The following PLG variants were observed in gnomAD, a reference collection of about 807,000 sequenced individuals.
PLG encodes the protein plasminogen.
Under a neutral mutation model 104.4 loss-of-function variants are expected in PLG, and 41 were observed. The ratio of observed to expected loss-of-function variants is 0.39; its 90% CI spans 0.31 to 0.51. The LOEUF is 0.51. PLG is among the 20% of genes least tolerant of loss of function. The probability of loss-of-function intolerance (pLI) is 0.76; values close to 1 mark genes in which losing one functional copy is unlikely to be tolerated. For missense variants in PLG, 891 were observed against 1,003.6 expected (o/e 0.89, Z 1.52); for synonymous variants, 337 against 357.1 (o/e 0.94, Z 0.63).
intron 17 of PLG, among the ~76,000 whole-genome samples, chr6:160,749,903 G>GCCACCACCATCACGA (rs149258451): frequency 6.8e-6 from 1 of 147,096 alleles, no homozygotes; most frequent in African/African-American, 2.5e-5. Context: ...TTCCACCACT[G>GCCACCACCATCACGA]CCACCACCAC....
At position 160,740,670 on chromosome 6, in the gene PLG, G is replaced by A. The variant is rs957035309; in HGVS notation, c.2019-641G>A. Among the ~76,000 whole-genome samples, 1 of 152,226 alleles carries A rather than the reference G, an allele frequency of 6.6e-6. No individual in the cohort carries two copies. The highest frequency in any genetic ancestry group is 1.5e-5 in the Non-Finnish European group (1 of 68,030). On this transcript the variant is annotated intron_variant, in intron 16 of 18. Coordinates refer to ENST00000308192, the MANE Select transcript of PLG (RefSeq NM_000301.5). This position sits in a 1 kb window ranked among gnomAD's most constrained non-coding sequence, Gnocchi z 5.2. ...TTATCCTCTTGAACTTACTAAAGTAGAATCAGGTCTAAAAACCGGAGTTCT... is the reference window on the plus strand; with the variant it reads ...TTATCCTCTTGAACTTACTAAAGTAAAATCAGGTCTAAAAACCGGAGTTCT...
intron 7 of PLG, among the ~76,000 whole-genome samples, chr6:160,717,980 G>A (rs1777767988): frequency 6.6e-6 from 1 of 152,172 alleles, no homozygotes; most frequent in South Asian, 2.1e-4. Flanking sequence ...GGCTGGGCAC[G>A]GTGGCTCACG....
rs1017768650 is a variant in PLG, at chr6:160,734,262, T to A, written c.1681+174T>A. 6.6e-6 allele frequency among the ~76,000 whole-genome samples: 1 copy of A among 152,126 alleles called. No individual in the cohort carries two copies. The highest frequency in any genetic ancestry group is 2.4e-5 in the African/African-American group (1 of 41,420). On this transcript the variant is annotated intron_variant, in intron 13 of 18. Coordinates refer to ENST00000308192, the MANE Select transcript of PLG (RefSeq NM_000301.5). The surrounding 1 kb of genome is among the most constrained non-coding windows in gnomAD (Gnocchi z 4.4). ...CTGCCCTACTATTGGCCACATTTGTTAGAGGAACACCTGCCCATCGCCCCA... is the reference window on the plus strand; with the variant it reads ...CTGCCCTACTATTGGCCACATTTGTAAGAGGAACACCTGCCCATCGCCCCA...
chr6:160,736,946 G>C lies in PLG; in HGVS notation c.1741G>C (p.Val581Leu). 2.5e-6 allele frequency: 4 copies of C among 1,614,036 alleles called. No individual in the cohort carries two copies. The highest frequency in any genetic ancestry group is 2.5e-6 in the Non-Finnish European group (3 of 1,179,968). Reference sequence around the variant, plus strand: ...GGAGCCGAAGAAATGTCCTGGAAGGGTTGTAGGGGGGTGTGTGGCCCACCC... The same window carrying C: ...GGAGCCGAAGAAATGTCCTGGAAGGCTTGTAGGGGGGTGTGTGGCCCACCC... Reference protein sequence around the residue: ...QVEPKKCPGRVVGGCVAHPHS... With the variant: ...QVEPKKCPGRLVGGCVAHPHS... Residue 581 changes from valine (V) to leucine (L), a missense_variant, in exon 14 of 19, where the codon GTT (valine) becomes CTT (leucine). Physicochemically the swap from Val to Leu is conservative, Grantham distance 32. Transcript: ENST00000308192. This position sits in a 1 kb window ranked among gnomAD's most constrained non-coding sequence, Gnocchi z 5.2.
rs563983055 is a variant in PLG, at chr6:160,735,877, C to G, written c.1682-1010C>G. ...CAGCACTAGAGAAGATGATTGCATT[C>G]TATGCCTTGCTTCTTTTTTTAAAAA... is the stretch of plus-strand genomic sequence containing the variant. On this transcript the variant is annotated intron_variant, in intron 13 of 18. Coordinates refer to ENST00000308192, the MANE Select transcript of PLG (RefSeq NM_000301.5). This position sits in a 1 kb window ranked among gnomAD's most constrained non-coding sequence, Gnocchi z 5.4. Among the ~76,000 whole-genome samples the G allele has an allele frequency of 6.6e-6, 1 of 152,140 alleles. No individual in the cohort carries two copies. Among genetic ancestry groups the G allele is most frequent in the Non-Finnish European group, 1.5e-5 (1 of 68,026 alleles).
In PLG at chr6:160,713,004, C is replaced by T. The variant is rs777371711; in HGVS notation, c.426C>T (p.His142=). The T allele has an allele frequency of 6.8e-6, 11 of 1,610,184 alleles. No individual in the cohort carries two copies. The highest frequency in any genetic ancestry group is 7.6e-6 in the Non-Finnish European group (9 of 1,178,330). ...PHRPRFSPAT[H]PSEGLEENYC... ...TCCCCAGATTCTCACCTGCTACACA[C>T]CCCTCAGAGGGACTGGAGGAGAACT... The change falls in exon 5 of 19, where the codon CAC becomes CAT. Residue 142 remains histidine (H), a synonymous_variant. Coordinates refer to ENST00000308192, the MANE Select transcript of PLG (RefSeq NM_000301.5).
Position 160,727,219 on chromosome 6 carries a change from T to C in PLG, c.1257-3832T>C, listed in dbSNP as rs563616646. ...CCTTAGAAAAAAACAAATAAGCAAA[T>C]TGGACACTGAATAAACTGAATTTCT... On this transcript the variant is annotated intron_variant, in intron 10 of 18. Coordinates refer to ENST00000308192, the MANE Select transcript of PLG (RefSeq NM_000301.5). 2.0e-4 allele frequency among the ~76,000 whole-genome samples: 31 copies of C among 151,762 alleles called. No homozygotes were observed. In the South Asian group the frequency reaches 4.8e-3, roughly 23 times the overall value.
intron 7 of PLG, among the ~76,000 whole-genome samples, chr6:160,717,769 C>A (rs1304341166): frequency 6.6e-6 from 1 of 152,188 alleles, no homozygotes; most frequent in African/African-American, 2.4e-5. Context: ...ACCCAAGGGT[C>A]TTTCTCTGAA....
At chr6:160,751,509 A>C (rs995311383) in intron 17 of PLG, among the ~76,000 whole-genome samples, 9 of 152,358 alleles carry the variant, frequency 5.9e-5, no homozygotes, top group Admixed American at 5.9e-4. Context: ...TAAAATATAC[A>C]AAACATAAGG....
Position 160,741,606 on chromosome 6 carries a change from C to T in PLG, c.2125+189C>T, listed in dbSNP as rs1340334633. ...AGGCACATGATCAAAGGGAGGAAAA[C>T]TGTGTCTTTGAGTCTCTCTCTCTCT... On this transcript the variant is annotated intron_variant, in intron 17 of 18. Transcript: ENST00000308192. The surrounding 1 kb of genome is among the most constrained non-coding windows in gnomAD (Gnocchi z 4.7). Among the ~76,000 whole-genome samples the T allele has an allele frequency of 1.3e-5, 2 of 152,142 alleles. No individual in the cohort carries two copies. Among genetic ancestry groups the T allele is most frequent in the Non-Finnish European group, 2.9e-5 (2 of 68,034 alleles).
intron 6 of PLG, 52 bp downstream of exon 6, chr6:160,714,966 T>C (rs1431701018): frequency 8.3e-6 from 13 of 1,566,154 alleles, no homozygotes; most frequent in Non-Finnish European, 1.1e-5. Context: ...TCTGCAGCTC[T>C]ATCAGACATT....
intron 4 of PLG, 146 bp downstream of exon 4, chr6:160,711,337 A>G: frequency 1.3e-6 from 1 of 758,356 alleles, no homozygotes; most frequent in Non-Finnish European, 2.2e-6. Context: ...TTTGCATATA[A>G]CCTACATACC....
rs564858446 is a variant in PLG, at chr6:160,736,511, A to G, written c.1682-376A>G. On this transcript the variant is annotated intron_variant, in intron 13 of 18. Transcript: ENST00000308192. This position sits in a 1 kb window ranked among gnomAD's most constrained non-coding sequence, Gnocchi z 5.2. ...CATGGTTTAGATGGTGATGGTGATG[A>G]TGATGATTATGGGAAGGATGGCATC... is the stretch of plus-strand genomic sequence containing the variant. Among the ~76,000 whole-genome samples the G allele has an allele frequency of 6.6e-6, 1 of 152,324 alleles. No homozygotes were observed. Among genetic ancestry groups the G allele is most frequent in the Admixed American group, 6.5e-5 (1 of 15,304 alleles).
intron 10 of PLG, among the ~76,000 whole-genome samples, chr6:160,730,358 C>A (rs532630867): frequency 4.6e-5 from 7 of 152,334 alleles, no homozygotes; most frequent in African/African-American, 1.7e-4. Context: ...GGATGTCCTG[C>A]CCAGGAACCC....
At chr6:160,749,458 C>CTAT (rs961723965) in intron 17 of PLG, among the ~76,000 whole-genome samples, 5 of 149,798 alleles carry the variant, frequency 3.3e-5, no homozygotes, top group African/African-American at 1.2e-4. Flanking sequence ...ACCACCATCA[C>CTAT]CATTAACATT....
In PLG at chr6:160,716,739, G is replaced by C. The variant is rs760649328; in HGVS notation, c.763G>C (p.Glu255Gln). ...CFTTDPNKRW[E>Q]LCDIPRCTTP... Reference sequence around the variant, plus strand: ...CACCACCGACCCCAACAAGCGCTGGGAACTTTGTGACATCCCCCGCTGCAG... The same window carrying C: ...CACCACCGACCCCAACAAGCGCTGGCAACTTTGTGACATCCCCCGCTGCAG... Residue 255 changes from glutamate to glutamine, a missense_variant, in exon 7 of 19, where the codon GAA becomes CAA. This residue lies in a region of PLG where 854 missense variants were observed against 932.1 expected (regional missense o/e 0.92). Coordinates refer to ENST00000308192, the MANE Select transcript of PLG (RefSeq NM_000301.5). 6.2e-7 allele frequency: 1 copy of C among 1,610,054 alleles called. No individual in the cohort carries two copies. Among genetic ancestry groups the C allele is most frequent in the Non-Finnish European group, 8.5e-7 (1 of 1,176,280 alleles).
intron 10 of PLG, among the ~76,000 whole-genome samples, chr6:160,727,617 G>T (rs1488687081): frequency 6.6e-6 from 1 of 151,844 alleles, no homozygotes; most frequent in Non-Finnish European, 1.5e-5. Context: ...ATGCAAGGCT[G>T]GCTTAACATT....
rs1028361272 is a variant in PLG at position 160,754,076 on chromosome 6, C to A, written c.*1015C>A. ...CAAAGAGCTGTGTTTATTTCATTGA[C>A]AAATAGATTATTTGTATTCAATTCT... On this transcript the variant is annotated 3_prime_UTR_variant, in exon 19 of 19. Transcript: ENST00000308192. This position sits in a 1 kb window ranked among gnomAD's most constrained non-coding sequence, Gnocchi z 4.9. 1.3e-5 allele frequency among the ~76,000 whole-genome samples: 2 copies of A among 152,188 alleles called. No individual in the cohort carries two copies. The highest frequency in any genetic ancestry group is 2.9e-5 in the Non-Finnish European group (2 of 68,028).
rs1777878299 is a variant in PLG at position 160,723,478 on chromosome 6, T to TC, written c.1256+913dup. 1.3e-5 allele frequency among the ~76,000 whole-genome samples: 2 copies of TC among 152,170 alleles called. No individual in the cohort carries two copies. The highest frequency in any genetic ancestry group is 1.9e-4 in the East Asian group (1 of 5,198). On this transcript the variant is annotated intron_variant, in intron 10 of 18. Coordinates refer to ENST00000308192, the MANE Select transcript of PLG (RefSeq NM_000301.5). This position sits in a 1 kb window ranked among gnomAD's most constrained non-coding sequence, Gnocchi z 4.7. The stretch of plus-strand genomic sequence containing the variant: ...TACCTTGGCTTTGTTCCTGGAGACT[T>TC]CCTGGGCTGAAGAACAAGGAGATGG...
Sources: allele counts gnomAD v4.1 joint callset (sites outside exome capture counted in the v4.1 genomes callset), GRCh38; gene constraint gnomAD v4.1.1; regional missense constraint gnomAD v4.1.1; non-coding constraint Gnocchi (gnomAD v3.1); transcripts MANE v1.5; gene names NCBI Gene and HGNC (gene_info 2026-07-23, HGNC 2026-07-21).